FBXW11: variants seen among roughly 807,000 people sequenced by gnomAD.
The protein encoded by FBXW11 is F-box and WD repeat domain containing 11, also known as F-box/WD repeat-containing protein 11.
FBXW11 carries 19 observed loss-of-function variants against 77.6 expected under a neutral mutation model. The observed-to-expected ratio is 0.24, with a 90% CI of 0.17 to 0.36. FBXW11 has a LOEUF of 0.36. Among genes scored for constraint, FBXW11 ranks in the 10% least tolerant of loss-of-function variants. The pLI is 1.00. For missense variants in FBXW11, 334 were observed against 704.2 expected (o/e 0.47, Z 5.95); for synonymous variants, 235 against 249.4 (o/e 0.94, Z 0.54).
intron 13 of FBXW11, among the ~76,000 whole-genome samples, chr5:171,865,598 A>G (rs1231070249): frequency 6.6e-6 from 1 of 152,236 alleles, no homozygotes; most frequent in Non-Finnish European, 1.5e-5. Context: ...TCATTTTAAA[A>G]AGCCTGAAAG....
intron 7 of FBXW11, among the ~76,000 whole-genome samples, chr5:171,887,083 A>G (rs1376551913): frequency 6.6e-6 from 1 of 152,174 alleles, no homozygotes; most frequent in Non-Finnish European, 1.5e-5. Context: ...GAACTTGGGA[A>G]ACACTGGGTG....
At chr5:171,968,602 A>G (rs2113402047) in intron 1 of FBXW11, among the ~76,000 whole-genome samples, 1 of 152,282 alleles carries the variant, frequency 6.6e-6, no homozygotes, top group South Asian at 2.1e-4. Flanking sequence ...CTACTTCTAA[A>G]TATGTGACAG....
intron 2 of FBXW11, 87 bp downstream of exon 2, chr5:171,957,510 C>CA: frequency 8.4e-7 from 1 of 1,197,170 alleles, no homozygotes; most frequent in Non-Finnish European, 1.2e-6. Flanking sequence ...GCAGACTTAA[C>CA]ATTGGATTAA....
rs1760350626 is a variant in FBXW11 at position 171,904,578 on chromosome 5, GT to G, written c.437-4479del. ...ATCTGGGTGTGGTTTTTTTGTTGTT[GT>G]TGTTGTTTTTGGAAACAGATTCTCA... On this transcript the variant is annotated intron_variant, in intron 4 of 13. Coordinates refer to ENST00000517395, the MANE Select transcript of FBXW11 (RefSeq NM_001378974.1). The surrounding 1 kb of genome is among the most constrained non-coding windows in gnomAD (Gnocchi z 4.0). 6.6e-6 allele frequency among the ~76,000 whole-genome samples: 1 copy of G among 151,992 alleles called. No individual in the cohort carries two copies. The highest frequency in any genetic ancestry group is 2.4e-5 in the African/African-American group (1 of 41,390).
intron 2 of FBXW11, among the ~76,000 whole-genome samples, chr5:171,923,309 A>G (rs839273): frequency 0.86 from 131,310 of 152,216 alleles, 57,886 homozygotes; most frequent in East Asian, 1. Context: ...TTTCTCAAAT[A>G]TATTATTACA....
chr5:171,869,949 C>A lies in FBXW11; in HGVS notation c.1452-142G>T. On this transcript the variant is annotated intron_variant, in intron 11 of 13. Transcript: ENST00000517395. This position sits in a 1 kb window ranked among gnomAD's most constrained non-coding sequence, Gnocchi z 4.1. ...ACATGCTTATGTTTTTACAAATCAT[C>A]TGAACCAATTACACTTGATTTTGGA... 2.1e-6 allele frequency: 1 copy of A among 473,972 alleles called. No individual in the cohort carries two copies. Among genetic ancestry groups the A allele is most frequent in the East Asian group, 3.7e-5 (1 of 26,830 alleles). 29.4% of individuals were successfully genotyped at this position (473,972 alleles called of 1,614,324 possible).
At chr5:171,947,962 A>G (rs1763101642) in intron 2 of FBXW11, among the ~76,000 whole-genome samples, 1 of 152,144 alleles carries the variant, frequency 6.6e-6, no homozygotes, top group African/African-American at 2.4e-5. Context: ...TAGGCCAGGC[A>G]TGGTGGCTCA....
chr5:171,910,487 T>C (rs753537904), intron 4 of FBXW11, 85 bp downstream of exon 4: 9 of 854,840 alleles, frequency 1.1e-5, no homozygotes, highest in South Asian at 1.7e-5. Flanking sequence ...ACAGTACTCA[T>C]TCAATCATTT....
intron 7 of FBXW11, among the ~76,000 whole-genome samples, chr5:171,880,577 C>T (rs1758433067): frequency 6.6e-6 from 1 of 152,158 alleles, no homozygotes; most frequent in Non-Finnish European, 1.5e-5. Context: ...AATATCTCTC[C>T]CCATTTATTT....
chr5:171,886,162 T>A (rs1466837642), intron 7 of FBXW11, among the ~76,000 whole-genome samples: 1 of 152,178 alleles, frequency 6.6e-6, no homozygotes. Context: ...GCAGCACTAT[T>A]CACAATAGCA....
chr5:172,002,914 G>T (rs1240764712), intron 1 of FBXW11, among the ~76,000 whole-genome samples: 2 of 151,126 alleles, frequency 1.3e-5, no homozygotes, highest in South Asian at 4.2e-4. Flanking sequence ...GCCTAGGCTG[G>T]TCTCTAACTC....
At chr5:171,937,532 T>G (rs1762537472) in intron 2 of FBXW11, among the ~76,000 whole-genome samples, 1 of 152,102 alleles carries the variant, frequency 6.6e-6, no homozygotes, top group African/African-American at 2.4e-5. Flanking sequence ...CAATAAAACT[T>G]TATTTATAAA....
rs529243753 is a variant in FBXW11, at chr5:171,921,365, A to C, written c.148-6960T>G. ...ATTTCCTGCTTTAAAAATGCTGCAA[A>C]TTCTGCATTAAGTAATTAACAGTTA... On this transcript the variant is annotated intron_variant, in intron 2 of 13. Coordinates refer to ENST00000517395, the MANE Select transcript of FBXW11 (RefSeq NM_001378974.1). Among the ~76,000 whole-genome samples, 4 of 152,208 alleles carry C rather than the reference A, an allele frequency of 2.6e-5. No individual in the cohort carries two copies. The South Asian group carries it at 8.3e-4, about 32-fold the overall frequency.
At chr5:171,974,681 T>C (rs1764723182) in intron 1 of FBXW11, among the ~76,000 whole-genome samples, 1 of 152,058 alleles carries the variant, frequency 6.6e-6, no homozygotes, top group Non-Finnish European at 1.5e-5. Flanking sequence ...ACTGCACCTA[T>C]AAATATTCAC....
At chr5:171,996,881 A>C (rs1766086700) in intron 1 of FBXW11, 1 of 1,279,872 alleles carries the variant, frequency 7.8e-7, no homozygotes, top group Non-Finnish European at 1.0e-6. Context: ...ATACAGGGTA[A>C]TTGCTTACCT....
intron 13 of FBXW11, among the ~76,000 whole-genome samples, chr5:171,867,382 G>A (rs920454823): frequency 6.6e-6 from 1 of 150,994 alleles, no homozygotes; most frequent in Non-Finnish European, 1.5e-5. Flanking sequence ...ATTACTGCAT[G>A]TCATGAAAAA....
chr5:171,992,158 G>A (rs911933388), intron 1 of FBXW11, among the ~76,000 whole-genome samples: 6 of 151,354 alleles, frequency 4.0e-5, no homozygotes, highest in African/African-American at 9.7e-5. Flanking sequence ...GGCCGGATGC[G>A]GTGGCTCATG....
intron 3 of FBXW11, 37 bp downstream of exon 3, chr5:171,914,306 G>C (rs1464829246): frequency 2.5e-5 from 38 of 1,548,014 alleles, no homozygotes; most frequent in Non-Finnish European, 3.4e-5. Flanking sequence ...TCTACAGTAA[G>C]TCAGTTGCTA....
chr5:171,880,783 G>A (rs940668574), intron 7 of FBXW11, among the ~76,000 whole-genome samples: 78 of 152,042 alleles, frequency 5.1e-4, no homozygotes, highest in African/African-American at 1.7e-3. Context: ...TGCAACCTCC[G>A]CCTCCCAAGT....
Sources: allele counts gnomAD v4.1 joint callset (sites outside exome capture counted in the v4.1 genomes callset), GRCh38; gene constraint gnomAD v4.1.1; non-coding constraint Gnocchi (gnomAD v3.1); transcripts MANE v1.5; gene names NCBI Gene and HGNC (gene_info 2026-07-23, HGNC 2026-07-21).